The following VPS13C variants were observed in gnomAD, a reference collection of about 807,000 sequenced individuals.
VPS13C encodes the protein intermembrane lipid transfer protein VPS13C.
A neutral mutation model predicts 456.8 loss-of-function variants in VPS13C; 358 were observed. That is an observed-to-expected ratio of 0.78 (90% confidence interval 0.72 to 0.86). The LOEUF is 0.86. Among genes scored for constraint, VPS13C ranks in the 40% least tolerant of loss-of-function variants. The pLI, the probability that VPS13C is intolerant of heterozygous loss-of-function variation, is 0.00. For missense variants in VPS13C, 4,818 were observed against 4,385.4 expected (o/e 1.10, Z -2.79); for synonymous variants, 1,578 against 1,486.7 (o/e 1.06, Z -1.41).
rs1895720817 is a variant in VPS13C at position 61,879,834 on chromosome 15, G to T, written c.10002+775C>A. Among the ~76,000 whole-genome samples, 3 of 152,066 alleles carry T rather than the reference G, an allele frequency of 2.0e-5. No individual in the cohort carries two copies. The South Asian group carries it at 6.2e-4, about 31-fold the overall frequency. On this transcript the variant is annotated intron_variant, in intron 73 of 84. Transcript: ENST00000644861. ...ATTTTAAACCTGACACTATCAGTAT[G>T]TCTGATATCACCAAACTAATAGATC...
chr15:62,002,031 C>T (rs1439486625), intron 15 of VPS13C, among the ~76,000 whole-genome samples: 3 of 152,100 alleles, frequency 2.0e-5, no homozygotes, highest in Non-Finnish European at 4.4e-5. Context: ...TGGGTATATA[C>T]CCAGTAATGA....
chr15:62,013,119 G>C lies in VPS13C; in HGVS notation c.745C>G (p.Leu249Val). 1 of 1,595,452 alleles carries C rather than the reference G, an allele frequency of 6.3e-7. No homozygotes were observed. Among genetic ancestry groups the C allele is most frequent in the Non-Finnish European group, 8.5e-7 (1 of 1,171,034 alleles). Residue 249 changes from leucine to valine, a missense_variant and splice_region_variant, in exon 11 of 85, where the codon CTT becomes GTT. By Grantham distance (32) the Leu-to-Val change is conservative (BLOSUM62 1). Transcript: ENST00000644861. ...GCGCTAAGACTATCAAGTCGTATAA[G>C]CTATAAGAGAAAAATGAAAGAGATC... ...LNEADKIIYK[L>V]IRLDSLSAYW...
intron 47 of VPS13C, among the ~76,000 whole-genome samples, chr15:61,939,948 C>G (rs1374068170): frequency 6.6e-6 from 1 of 150,476 alleles, no homozygotes; most frequent in East Asian, 2.0e-4. Flanking sequence ...GAGCCTAGAT[C>G]ATGCCACTGC....
chr15:62,017,006 A>C (rs1439239604), intron 9 of VPS13C, among the ~76,000 whole-genome samples: 1 of 152,026 alleles, frequency 6.6e-6, no homozygotes. Context: ...TTTGATTTGC[A>C]TTTCTCTGAT....
chr15:61,865,073 T>C (rs1894448204), intron 81 of VPS13C: 1 of 984,826 alleles, frequency 1.0e-6, no homozygotes, highest in African/African-American at 1.7e-5. Context: ...CACTACACTC[T>C]GAGATTCAGA....
At chr15:61,891,944 A>G (rs900848148) in intron 66 of VPS13C, among the ~76,000 whole-genome samples, 1 of 152,186 alleles carries the variant, frequency 6.6e-6, no homozygotes, top group African/African-American at 2.4e-5. Context: ...CGCAGATGGT[A>G]ACAGAAATGA....
At chr15:61,974,193 G>T in intron 25 of VPS13C, 95 bp downstream of exon 25, 1 of 1,225,544 alleles carries the variant, frequency 8.2e-7, no homozygotes, top group Non-Finnish European at 1.1e-6. Context: ...TGTACTTTTG[G>T]TCCTTTCACT....
intron 16 of VPS13C, among the ~76,000 whole-genome samples, chr15:62,000,110 C>T (rs935458776): frequency 2.0e-5 from 3 of 151,992 alleles, no homozygotes; most frequent in African/African-American, 7.3e-5. Flanking sequence ...GCCTGTAATC[C>T]CAGCACTTTG....
At chr15:61,982,892 T>C (rs907095098) in intron 20 of VPS13C, among the ~76,000 whole-genome samples, 5 of 152,194 alleles carry the variant, frequency 3.3e-5, no homozygotes, top group Non-Finnish European at 5.9e-5. Flanking sequence ...AGTACTTCTC[T>C]ACCCTGTAAT....
intron 1 of VPS13C, among the ~76,000 whole-genome samples, chr15:62,052,571 G>A (rs906298294): frequency 6.6e-6 from 1 of 151,194 alleles, no homozygotes; most frequent in Admixed American, 6.6e-5. Flanking sequence ...TACTGTGGAG[G>A]CTGAGGCAGG....
In VPS13C at chr15:62,020,517, G is replaced by C. The variant is rs1436020248; in HGVS notation, c.646C>G (p.Leu216Val). 3.7e-6 allele frequency: 6 copies of C among 1,611,652 alleles called. No homozygotes were observed. The highest frequency in any genetic ancestry group is 4.2e-6 in the Non-Finnish European group (5 of 1,178,516). Reference protein sequence around the residue: ...EDDVTDPKRPLSFGVTLGELS... With the variant: ...EDDVTDPKRPVSFGVTLGELS... Reference sequence around the variant, plus strand: ...TCTCCCAGTGTGACACCAAATGAAAGAGGCCGCTTTGGATCAGTGACCTAC... The same window carrying C: ...TCTCCCAGTGTGACACCAAATGAAACAGGCCGCTTTGGATCAGTGACCTAC... Residue 216 changes from leucine to valine, a missense_variant, in exon 9 of 85, where the codon CTT becomes GTT. Leu to Val is a conservative substitution (Grantham distance 32, BLOSUM62 1). This residue lies in a region of VPS13C where 4,552 missense variants were observed against 4,130.6 expected (regional missense o/e 1.10). Coordinates refer to ENST00000644861, the MANE Select transcript of VPS13C (RefSeq NM_020821.3).
chr15:62,052,306 G>T (rs2048646754), intron 1 of VPS13C, among the ~76,000 whole-genome samples: 2 of 152,120 alleles, frequency 1.3e-5, no homozygotes, highest in Admixed American at 1.3e-4. Context: ...TTCCAGGGAG[G>T]TGAGCTAAAG....
In VPS13C at chr15:61,947,074, CAA is replaced by C. The variant is rs1427566770; in HGVS notation, c.4876+117_4876+118del. 6.3e-6 allele frequency: 4 copies of C among 638,446 alleles called. No homozygotes were observed. In the African/African-American group the frequency reaches 7.6e-5, roughly 12 times the overall value. 39.5% of individuals were successfully genotyped at this position (638,446 alleles called of 1,614,324 possible). A position where few individuals can be genotyped will look rare whatever the true frequency, so the allele number is the denominator to read the frequency against. ...TTAAAGCACATCTTTGAAAAGTTTG[CAA>C]AGTCTTCAATATAAGTAAACCAAAA... On this transcript the variant is annotated intron_variant, in intron 43 of 84. Transcript: ENST00000644861.
intron 15 of VPS13C, among the ~76,000 whole-genome samples, chr15:62,004,447 T>G (rs1288948425): frequency 6.6e-6 from 1 of 151,622 alleles, no homozygotes; most frequent in East Asian, 1.9e-4. Flanking sequence ...GTCTATCAAT[T>G]TTGTTGATCC....
At chr15:62,058,216 C>T (rs2048864282) in intron 1 of VPS13C, among the ~76,000 whole-genome samples, 1 of 152,170 alleles carries the variant, frequency 6.6e-6, no homozygotes, top group African/African-American at 2.4e-5. Flanking sequence ...TACTCCGGTG[C>T]GTTTTCAAGT....
intron 37 of VPS13C, among the ~76,000 whole-genome samples, chr15:61,958,072 A>C (rs2045069126): frequency 6.6e-6 from 1 of 152,114 alleles, no homozygotes; most frequent in Admixed American, 6.6e-5. Flanking sequence ...ATAGACATAC[A>C]CATATATTAC....
chr15:62,014,221 C>T (rs2047146791), intron 9 of VPS13C, among the ~76,000 whole-genome samples: 1 of 151,502 alleles, frequency 6.6e-6, no homozygotes, highest in African/African-American at 2.4e-5. Flanking sequence ...AAAATAATTA[C>T]TGGGTTAATA....
rs1258440470 is a variant in VPS13C at position 61,915,727 on chromosome 15, T to C, written c.8351A>G (p.Tyr2784Cys). 6.2e-7 allele frequency: 1 copy of C among 1,614,182 alleles called. No homozygotes were observed. Among genetic ancestry groups the C allele is most frequent in the East Asian group, 2.2e-5 (1 of 44,886 alleles). Residue 2784 changes from tyrosine (Y) to cysteine (C), a missense_variant, in exon 61 of 85, where the codon TAT becomes TGT. Transcript: ENST00000644861. ...LINKTTRVLQYRSEDIHVKHP... is the reference protein window; with the variant it reads ...LINKTTRVLQCRSEDIHVKHP... ...TTTCACATGAATATCTTCTGAACGA[T>C]ACTGGAGAACCCGGGTAGTCTTGTT...
rs185155587 is a variant in VPS13C at position 61,859,052 on chromosome 15, G to C, written c.10953-2643C>G. ...CTCACGTGTGTACTATTCTGTGTGA[G>C]AAGCTACAAGTGATATCAAATAAAA... On this transcript the variant is annotated intron_variant, in intron 82 of 84. Transcript: ENST00000644861. Among the ~76,000 whole-genome samples the C allele has an allele frequency of 6.6e-5, 10 of 152,260 alleles. No homozygotes were observed. In the East Asian group the frequency reaches 1.9e-3, roughly 29 times the overall value.
Sources: gnomAD v4.1 joint callset for allele counts (sites outside exome capture counted in the v4.1 genomes callset) on GRCh38, gnomAD v4.1.1 for gene constraint, gnomAD v4.1.1 regional missense constraint, MANE v1.5 for transcripts, NCBI Gene and HGNC (gene_info 2026-07-23, HGNC 2026-07-21) for gene names.